LYAR: variants seen among roughly 807,000 people sequenced by gnomAD.
LYAR encodes the protein Ly1 antibody reactive, also known as cell growth-regulating nucleolar protein.
In LYAR, 37 loss-of-function variants were observed where a neutral mutation model predicts 45.2. The observed-to-expected ratio is 0.82, with a 90% CI of 0.63 to 1.08. The LOEUF is 1.08. Ranked by LOEUF, LYAR falls within the 50% of genes least tolerant of loss-of-function variation. LYAR has a pLI of 0.00. For synonymous variants in LYAR, 176 were observed against 155.1 expected, an observed-to-expected ratio of 1.14 and a Z score of -1.00; for missense variants, 493 against 451.0, an observed-to-expected ratio of 1.09 and a Z score of -0.84.
intron 8 of LYAR, among the ~76,000 whole-genome samples, chr4:4,269,550 A>G (rs911746472): frequency 2.6e-5 from 4 of 152,204 alleles, no homozygotes; most frequent in African/African-American, 9.6e-5. Context: ...CTGCACCAGG[A>G]GCCCTGCCCG....
At chr4:4,273,496 C>T (rs1719025547) in intron 8 of LYAR, 87 bp downstream of exon 8, 11 of 920,696 alleles carry the variant, frequency 1.2e-5, no homozygotes, top group Non-Finnish European at 1.7e-5. Flanking sequence ...TCAAGTGACC[C>T]TCCTGCCCCT....
intron 6 of LYAR, among the ~76,000 whole-genome samples, chr4:4,275,836 C>T (rs1317566686): frequency 3.3e-5 from 5 of 152,134 alleles, no homozygotes; most frequent in Non-Finnish European, 5.9e-5. Flanking sequence ...GCTGGGATTA[C>T]AGGCATGCAC....
intron 2 of LYAR, among the ~76,000 whole-genome samples, chr4:4,286,279 T>C (rs1380832515): frequency 4.6e-5 from 7 of 152,110 alleles, no homozygotes. Context: ...CAGGCGAAAA[T>C]ACCTGTAATT....
chr4:4,272,729 T>C (rs1226267487), intron 8 of LYAR, among the ~76,000 whole-genome samples: 2 of 152,164 alleles, frequency 1.3e-5, no homozygotes, highest in African/African-American at 2.4e-5. Flanking sequence ...ATCCCACAGA[T>C]ATGGGGACAC....
intron 3 of LYAR, among the ~76,000 whole-genome samples, chr4:4,283,368 C>T (rs1023166768): frequency 1.4e-4 from 21 of 152,330 alleles, no homozygotes; most frequent in Middle Eastern, 3.4e-3. Flanking sequence ...CCAGGCTGGT[C>T]TTCAACTCCT....
chr4:4,278,086 C>CT (rs1428320548), intron 6 of LYAR, among the ~76,000 whole-genome samples: 2 of 152,146 alleles, frequency 1.3e-5, no homozygotes, highest in Non-Finnish European at 2.9e-5. Flanking sequence ...AATTTCAAAT[C>CT]TTTGATTCTT....
chr4:4,267,950 T>C lies in LYAR; in HGVS notation c.1079A>G (p.Lys360Arg). Reference sequence around the variant, plus strand: ...AAAGGTAGGGTTCTTGCTGATTTTCTTGTTAAAGATGACCAGGAGTTCCTC... The same window carrying C: ...AAAGGTAGGGTTCTTGCTGATTTTCCTGTTAAAGATGACCAGGAGTTCCTC... The part of the protein sequence containing the change: ...SEEELLVIFN[K>R]KISKNPTFKL... The change falls in exon 10 of 10, where the codon AAG (lysine) becomes AGG (arginine). Residue 360 changes from lysine (K) to arginine (R), a missense_variant. By Grantham distance (26) the Lys-to-Arg change is conservative. Transcript: ENST00000343470. The C allele has an allele frequency of 1.2e-6, 2 of 1,613,428 alleles. No homozygotes were observed. Among genetic ancestry groups the C allele is most frequent in the East Asian group, 2.2e-5 (1 of 44,852 alleles).
intron 6 of LYAR, 136 bp from the exon 7 acceptor site, chr4:4,274,905 T>G: frequency 1.3e-6 from 1 of 770,454 alleles, no homozygotes; most frequent in Non-Finnish European, 2.0e-6. Context: ...TTTATAACTG[T>G]GACCCCCACC....
intron 6 of LYAR, among the ~76,000 whole-genome samples, chr4:4,277,386 C>CTTCCCTTCT (rs1719224326): frequency 6.6e-6 from 1 of 152,128 alleles, no homozygotes; most frequent in African/African-American, 2.4e-5. Context: ...GAGACCCTGG[C>CTTCCCTTCT]ATCCCTTCTA....
chr4:4,279,332 A>C, intron 6 of LYAR, 115 bp downstream of exon 6: 2 of 737,336 alleles, frequency 2.7e-6, no homozygotes, highest in South Asian at 1.9e-5. Flanking sequence ...ACTCCATCTC[A>C]AAAAAATAAA....
intron 7 of LYAR, among the ~76,000 whole-genome samples, 167 bp downstream of exon 7, chr4:4,274,200 G>A (rs1002299047): frequency 4.6e-5 from 7 of 151,838 alleles, no homozygotes; most frequent in Admixed American, 2.6e-4. Context: ...TCGTGCCACT[G>A]CACTCCAGCC....
chr4:4,273,574 G>C lies in LYAR; in HGVS notation c.919+9C>G, dbSNP rs953688383. On this transcript the variant is annotated intron_variant, in intron 8 of 9. Transcript: ENST00000343470. ...CAGCCGTGCTCCTCAAATGACAGCA[G>C]TGATATACCTTTTGCAGGAGCCTCA... The C allele has an allele frequency of 3.1e-6, 5 of 1,605,608 alleles. No individual in the cohort carries two copies. Among genetic ancestry groups the C allele is most frequent in the Non-Finnish European group, 4.3e-6 (5 of 1,172,830 alleles).
At chr4:4,289,130 A>G (rs77795925) in intron 1 of LYAR, among the ~76,000 whole-genome samples, 4,430 of 152,328 alleles carry the variant, frequency 0.029, 75 homozygotes, top group Middle Eastern at 0.068. Flanking sequence ...AATGGGTGAC[A>G]TTCACAAGGA....
At chr4:4,283,311 T>C (rs962188378) in intron 3 of LYAR, among the ~76,000 whole-genome samples, 1 of 152,062 alleles carries the variant, frequency 6.6e-6, no homozygotes, top group African/African-American at 2.4e-5. Flanking sequence ...CCACCACGCC[T>C]GACTAATTTT....
intron 3 of LYAR, among the ~76,000 whole-genome samples, chr4:4,283,412 G>A (rs972620788): frequency 9.8e-5 from 15 of 152,340 alleles, no homozygotes; most frequent in Non-Finnish European, 1.3e-4. Flanking sequence ...GCCTCCCAAA[G>A]TGCTGGGATT....
intron 4 of LYAR, among the ~76,000 whole-genome samples, chr4:4,280,964 A>T (rs540701394): frequency 8.5e-5 from 13 of 152,324 alleles, no homozygotes; most frequent in African/African-American, 2.4e-4. Flanking sequence ...TCTGTAAATG[A>T]TCAGTAGCAT....
At chr4:4,284,550 G>A (rs1389241577) in intron 2 of LYAR, among the ~76,000 whole-genome samples, 3 of 152,168 alleles carry the variant, frequency 2.0e-5, no homozygotes, top group African/African-American at 7.2e-5. Context: ...ACTGCTGGGT[G>A]CTGAATTACT....
At chr4:4,287,042 C>G (rs1399482474) in intron 1 of LYAR, among the ~76,000 whole-genome samples, 1 of 152,194 alleles carries the variant, frequency 6.6e-6, no homozygotes, top group East Asian at 1.9e-4. Flanking sequence ...ATTTTGAGGA[C>G]ACCCAGTCTG....
intron 2 of LYAR, among the ~76,000 whole-genome samples, chr4:4,283,998 C>T (rs10006514): frequency 0.37 from 56,397 of 152,106 alleles, 11,037 homozygotes; most frequent in East Asian, 0.55. Flanking sequence ...GTCCTTACCA[C>T]GTGCCAGGCA....
Sources: allele counts gnomAD v4.1 joint callset (sites outside exome capture counted in the v4.1 genomes callset), GRCh38; gene constraint gnomAD v4.1.1; transcripts MANE v1.5; gene names NCBI Gene and HGNC (gene_info 2026-07-23, HGNC 2026-07-21).